Variants in SLC28A2 observed in about 807,000 individuals in gnomAD.
The protein encoded by SLC28A2 is solute carrier family 28 member 2.
In SLC28A2, 69 loss-of-function variants were observed where a neutral mutation model predicts 72.9. That is an observed-to-expected ratio of 0.95 (90% CI 0.78 to 1.16). The LOEUF (loss-of-function observed/expected upper bound fraction) is 1.16, where lower values mean the gene tolerates loss of function less well. SLC28A2 is among the 50% of genes most tolerant of loss of function. The probability of loss-of-function intolerance (pLI) is 0.00; values close to 1 mark genes in which losing one functional copy is unlikely to be tolerated. For synonymous variants in SLC28A2, 296 were observed against 294.1 expected, an observed-to-expected ratio of 1.01 and a Z score of -0.07; for missense variants, 745 against 791.1, an observed-to-expected ratio of 0.94 and a Z score of 0.70.
chr15:45,259,453 G>A (rs558500663), intron 3 of SLC28A2, among the ~76,000 whole-genome samples: 54 of 152,262 alleles, frequency 3.5e-4, no homozygotes, highest in Non-Finnish European at 6.6e-4. Flanking sequence ...TTACAGGTGT[G>A]AGCCACTGCA....
intron 3 of SLC28A2, among the ~76,000 whole-genome samples, chr15:45,256,848 C>T (rs1899994059): frequency 6.6e-6 from 1 of 152,142 alleles, no homozygotes; most frequent in African/African-American, 2.4e-5. Flanking sequence ...ATAGCTTCTA[C>T]CAAAACTACC....
chr15:45,271,115 T>C (rs942780923), intron 15 of SLC28A2, among the ~76,000 whole-genome samples: 1 of 151,908 alleles, frequency 6.6e-6, no homozygotes, highest in African/African-American at 2.4e-5. Flanking sequence ...GTTAAAGGAG[T>C]GGGTCTTTGA....
chr15:45,253,348 T>C, intron 2 of SLC28A2, 52 bp downstream of exon 2: 1 of 1,553,708 alleles, frequency 6.4e-7, no homozygotes, highest in Non-Finnish European at 8.9e-7. Flanking sequence ...CTGCATGGGC[T>C]CCTGTAGGGT....
At chr15:45,260,388 C>T (rs1341528325) in intron 3 of SLC28A2, among the ~76,000 whole-genome samples, 2 of 152,190 alleles carry the variant, frequency 1.3e-5, no homozygotes, top group African/African-American at 2.4e-5. Context: ...CCAAAGATAT[C>T]TGGCACACAT....
At chr15:45,253,378 C>T in intron 2 of SLC28A2, 54 bp from the exon 3 acceptor site, 1 of 1,564,832 alleles carries the variant, frequency 6.4e-7, no homozygotes, top group South Asian at 1.1e-5. Context: ...CTCTCAATCC[C>T]CATCATCCCT....
chr15:45,265,448 C>T (rs945239019), intron 8 of SLC28A2, 135 bp from the exon 9 acceptor site: 103 of 705,242 alleles, frequency 1.5e-4, no homozygotes, highest in Non-Finnish European at 2.3e-4. Context: ...AAATGTATCC[C>T]TAAACTAGTT....
chr15:45,273,507 G>A (rs1454212555), intron 17 of SLC28A2, among the ~76,000 whole-genome samples: 1 of 152,208 alleles, frequency 6.6e-6, no homozygotes, highest in African/African-American at 2.4e-5. Context: ...ATATGCGTGA[G>A]TGAAGGGAGT....
At chr15:45,264,795 T>C in intron 7 of SLC28A2, 27 bp downstream of exon 7, 1 of 1,402,362 alleles carries the variant, frequency 7.1e-7, no homozygotes, top group Non-Finnish European at 1.0e-6. Flanking sequence ...GCGAGGGCTT[T>C]TCTCTTTTAG....
intron 3 of SLC28A2, among the ~76,000 whole-genome samples, chr15:45,260,273 A>T (rs1390006940): frequency 1.3e-5 from 2 of 152,196 alleles, no homozygotes; most frequent in East Asian, 3.9e-4. Context: ...CAGTAGCAGA[A>T]CCCAACCTGA....
At chr15:45,263,501 T>C (rs1477744568) in intron 5 of SLC28A2, among the ~76,000 whole-genome samples, 1 of 152,182 alleles carries the variant, frequency 6.6e-6, no homozygotes, top group Non-Finnish European at 1.5e-5. Context: ...TCAGAGCCAG[T>C]GTCAGAAATG....
intron 13 of SLC28A2, among the ~76,000 whole-genome samples, chr15:45,268,809 T>C (rs374313620): frequency 2.0e-5 from 3 of 152,168 alleles, no homozygotes; most frequent in Admixed American, 6.5e-5. Context: ...AAATGTGGCA[T>C]ATATACACCA....
rs1019841653 is a variant in SLC28A2, at chr15:45,275,711, G to A, written c.*198G>A. 9 of 484,884 alleles carry A rather than the reference G, an allele frequency of 1.9e-5. No homozygotes were observed. The highest frequency in any genetic ancestry group is 1.5e-4 in the East Asian group (4 of 27,002). The allele number at this position is 484,884 out of a possible 1,614,324, so 30.0% of individuals were successfully genotyped here. On this transcript the variant is annotated 3_prime_UTR_variant, in exon 18 of 18. Coordinates refer to ENST00000347644, the MANE Select transcript of SLC28A2 (RefSeq NM_004212.4). ...AGCACTTTGGGAGGCCGAGGCGGGC[G>A]GATCACAAGGTCAGGAGATCGAGAC...
At chr15:45,259,809 T>C (rs1900095244) in intron 3 of SLC28A2, among the ~76,000 whole-genome samples, 1 of 152,172 alleles carries the variant, frequency 6.6e-6, no homozygotes, top group South Asian at 2.1e-4. Context: ...TATCATGCTA[T>C]ATGGTAAGTG....
At chr15:45,275,363 C>T in intron 17 of SLC28A2, 33 bp from the exon 18 acceptor site, 1 of 1,246,832 alleles carries the variant, frequency 8.0e-7, no homozygotes, top group East Asian at 2.3e-5. Flanking sequence ...TCCTGTCTGA[C>T]CCCTTATGTA....
chr15:45,275,568 A>C lies in SLC28A2; in HGVS notation c.*55A>C. The stretch of plus-strand genomic sequence containing the variant: ...TGATCTTAAAAGCTTTGTGATTGCA[A>C]AGGTGTTTATGTACTCAGGGTGCCC... On this transcript the variant is annotated 3_prime_UTR_variant, in exon 18 of 18. Coordinates refer to ENST00000347644, the MANE Select transcript of SLC28A2 (RefSeq NM_004212.4). 1.7e-6 allele frequency: 2 copies of C among 1,149,488 alleles called. No homozygotes were observed. Among genetic ancestry groups the C allele is most frequent in the South Asian group, 2.5e-5 (2 of 79,368 alleles). The allele number at this position is 1,149,488 out of a possible 1,614,324, so 71.2% of individuals were successfully genotyped here.
At chr15:45,269,658 T>C in intron 14 of SLC28A2, 123 bp downstream of exon 14, 1 of 791,638 alleles carries the variant, frequency 1.3e-6, no homozygotes, top group Non-Finnish European at 2.1e-6. Flanking sequence ...GTCGCAGGCC[T>C]AACTACAAAG....
intron 4 of SLC28A2, 56 bp from the exon 5 acceptor site, chr15:45,263,005 T>A: frequency 6.8e-7 from 1 of 1,471,954 alleles, no homozygotes; most frequent in Non-Finnish European, 9.3e-7. Flanking sequence ...TGGAGTTTCA[T>A]TTGCCCATTG....
Position 45,253,497 on chromosome 15 carries a change from A to G in SLC28A2, c.147A>G (p.Gly49=). The stretch of plus-strand genomic sequence containing the variant: ...CACAAGGACACAGCCTGGGGGATGG[A>G]CTGGGCCCTTCCACTTACCAGAGGT... The part of the protein sequence containing the change: ...TDAQGHSLGD[G]LGPSTYQRRS... The change falls in exon 3 of 18, where the codon GGA becomes GGG. Residue 49 remains glycine, a synonymous_variant. Transcript: ENST00000347644. The G allele has an allele frequency of 1.2e-6, 2 of 1,612,952 alleles. No homozygotes were observed. Among genetic ancestry groups the G allele is most frequent in the Non-Finnish European group, 1.7e-6 (2 of 1,179,214 alleles).
At chr15:45,261,461 G>C (rs925241886) in intron 3 of SLC28A2, among the ~76,000 whole-genome samples, 1 of 152,206 alleles carries the variant, frequency 6.6e-6, no homozygotes, top group Non-Finnish European at 1.5e-5. Context: ...GCTCAGCATA[G>C]AGAAAGCACT....
Sources: gnomAD v4.1 joint callset for allele counts (sites outside exome capture counted in the v4.1 genomes callset) on GRCh38, gnomAD v4.1.1 for gene constraint, MANE v1.5 for transcripts, NCBI Gene and HGNC (gene_info 2026-07-23, HGNC 2026-07-21) for gene names.